PECR: variants seen among roughly 807,000 people sequenced by gnomAD.
PECR encodes the protein peroxisomal trans-2-enoyl-CoA reductase.
PECR carries 30 observed loss-of-function variants against 35.3 expected under a neutral mutation model. The observed-to-expected ratio is 0.85, with a 90% CI of 0.64 to 1.15. PECR has a LOEUF of 1.15. Among genes scored for constraint, PECR ranks in the 50% most tolerant of loss-of-function variants. The pLI, the probability that PECR is intolerant of heterozygous loss-of-function variation, is 0.00. For missense variants in PECR, 392 were observed against 370.8 expected, an observed-to-expected ratio of 1.06 and a Z score of -0.47; for synonymous variants, 148 against 138.9, an observed-to-expected ratio of 1.07 and a Z score of -0.46.
At chr2:216,072,944 GT>G in intron 1 of PECR, among the ~76,000 whole-genome samples, 1 of 152,080 alleles carries the variant, frequency 6.6e-6, no homozygotes. Context: ...TCTCCATACT[GT>G]TTTCCATAGA....
chr2:216,048,384 T>TA (rs71047969), intron 6 of PECR, among the ~76,000 whole-genome samples: 311 of 132,852 alleles, frequency 2.3e-3, no homozygotes, highest in Middle Eastern at 3.8e-3. Context: ...CTTGTTTTCT[T>TA]AAAAAAAAAA....
chr2:216,049,483 A>G (rs1198237881), intron 5 of PECR, 110 bp from the exon 6 acceptor site: 1 of 544,956 alleles, frequency 1.8e-6, no homozygotes, highest in African/African-American at 1.9e-5. Context: ...AGCTTAAGTC[A>G]AAAAAAAGTT....
intron 1 of PECR, among the ~76,000 whole-genome samples, chr2:216,077,545 C>T (rs554376948): frequency 2.0e-5 from 3 of 151,052 alleles, no homozygotes; most frequent in East Asian, 2.0e-4. Flanking sequence ...CAGTGGCTCA[C>T]GCCTGTAATC....
In PECR at chr2:216,051,497, T is replaced by C. The variant is rs746981078; in HGVS notation, c.555A>G (p.Leu185=). The change falls in exon 5 of 8, where the codon TTA becomes TTG. Residue 185 remains leucine (L), a synonymous_variant. Transcript: ENST00000265322. The part of the protein sequence containing the change: ...RAGVYNLTKS[L]ALEWACSGIR... The stretch of plus-strand genomic sequence containing the variant: ...TTCCACTGCAGGCCCATTCCAAAGC[T>C]AAAGATTTGGTGAGGTTGTAAACAC... 7 of 1,613,396 alleles carry C rather than the reference T, an allele frequency of 4.3e-6. No individual in the cohort carries two copies. The highest frequency in any genetic ancestry group is 5.9e-6 in the Non-Finnish European group (7 of 1,179,452).
chr2:216,056,165 A>G (rs1273450209), intron 4 of PECR, among the ~76,000 whole-genome samples: 1 of 152,084 alleles, frequency 6.6e-6, no homozygotes, highest in Non-Finnish European at 1.5e-5. Flanking sequence ...GTATTTCCAG[A>G]TGTATCTTGC....
At chr2:216,044,060 C>G (rs1438228827) in intron 6 of PECR, 45 bp from the exon 7 acceptor site, 1 of 988,330 alleles carries the variant, frequency 1.0e-6, no homozygotes, top group Non-Finnish European at 1.6e-6. Context: ...GCAAATACTC[C>G]CCATTTCTAA....
chr2:216,046,310 A>ATAT lies in PECR; in HGVS notation c.715-2296_715-2295insATA, dbSNP rs1553560626. On this transcript the variant is annotated intron_variant, in intron 6 of 7. Coordinates refer to ENST00000265322, the MANE Select transcript of PECR (RefSeq NM_018441.6). ...TATACATACATATATATATATATAT[A>ATAT]TTTTTTTTTTTTTTTTTTTTGAGAA... is the stretch of plus-strand genomic sequence containing the variant. 2.0e-3 allele frequency among the ~76,000 whole-genome samples: 191 copies of ATAT among 96,968 alleles called. 1 individual carries two copies. Among genetic ancestry groups the ATAT allele is most frequent in the African/African-American group, 2.3e-3 (50 of 21,582 alleles). 63.6% of individuals were successfully genotyped at this position (96,968 alleles called of 152,430 possible).
intron 1 of PECR, among the ~76,000 whole-genome samples, chr2:216,076,627 C>T (rs1695705165): frequency 6.6e-6 from 1 of 151,942 alleles, no homozygotes; most frequent in Non-Finnish European, 1.5e-5. Flanking sequence ...TAGTAAAACT[C>T]CATCTCTACT....
chr2:216,061,761 T>G (rs1695357513), intron 3 of PECR, among the ~76,000 whole-genome samples: 1 of 152,094 alleles, frequency 6.6e-6, no homozygotes, highest in Admixed American at 6.6e-5. Flanking sequence ...CATCTTGGAT[T>G]TTAAAAGCTG....
At chr2:216,053,265 T>G (rs967309006) in intron 4 of PECR, among the ~76,000 whole-genome samples, 7 of 148,158 alleles carry the variant, frequency 4.7e-5, no homozygotes, top group Admixed American at 4.1e-4. Flanking sequence ...TGTTTTGAGA[T>G]GGGAGTCTCA....
intron 5 of PECR, among the ~76,000 whole-genome samples, chr2:216,049,964 T>C (rs1210324082): frequency 6.6e-6 from 1 of 152,184 alleles, no homozygotes; most frequent in Non-Finnish European, 1.5e-5. Context: ...ATGCCTGTAA[T>C]CCCAGCACTT....
chr2:216,066,541 C>T (rs1695470191), intron 1 of PECR, 23 bp from the exon 2 acceptor site: 1 of 1,608,516 alleles, frequency 6.2e-7, no homozygotes, highest in African/African-American at 1.4e-5. Context: ...AGCCAGAGAA[C>T]AAATAAATAT....
Position 216,065,446 on chromosome 2 carries a change from G to T in PECR, c.290C>A (p.Thr97Asn). The T allele has an allele frequency of 6.2e-7, 1 of 1,607,496 alleles. No homozygotes were observed. The highest frequency in any genetic ancestry group is 8.5e-7 in the Non-Finnish European group (1 of 1,173,932). ...CACCAAGAAATTGATCTTACCAAAA[G>T]TATCTAAGGTAGATTTGACCAAATT... ...VNNLVKSTLD[T>N]FGKINFLVNN... is the part of the protein sequence containing the mutation. Residue 97 changes from threonine to asparagine, a missense_variant, in exon 3 of 8, where the codon ACT (threonine) becomes AAT (asparagine). By Grantham distance (65) the Thr-to-Asn change is moderately conservative. Coordinates refer to ENST00000265322, the MANE Select transcript of PECR (RefSeq NM_018441.6).
intron 1 of PECR, among the ~76,000 whole-genome samples, chr2:216,067,997 G>T (rs1695501113): frequency 6.6e-6 from 1 of 151,950 alleles, no homozygotes; most frequent in Admixed American, 6.6e-5. Context: ...GGGAGGCTGA[G>T]GCGGGCCGAT....
chr2:216,056,258 A>AT (rs1421039691), intron 4 of PECR, among the ~76,000 whole-genome samples: 9 of 152,184 alleles, frequency 5.9e-5, no homozygotes, highest in Admixed American at 5.2e-4. Context: ...TTTAAAAAAA[A>AT]GGAGTGCTCA....
chr2:216,069,934 CAAAAAAAA>C (rs35689726), intron 1 of PECR, among the ~76,000 whole-genome samples: 4 of 101,306 alleles, frequency 3.9e-5, no homozygotes, highest in Non-Finnish European at 6.8e-5. Flanking sequence ...AAGACTCTGT[CAAAAAAAA>C]AAAAAAAAAA....
intron 7 of PECR, among the ~76,000 whole-genome samples, chr2:216,040,245 C>T (rs900620615): frequency 5.3e-5 from 8 of 152,216 alleles, no homozygotes; most frequent in East Asian, 3.9e-4. Flanking sequence ...GCATCCAATT[C>T]GACAAATGAC....
chr2:216,051,796 C>T (rs187074171), intron 4 of PECR, among the ~76,000 whole-genome samples: 9 of 152,276 alleles, frequency 5.9e-5, no homozygotes, highest in Admixed American at 4.6e-4. Context: ...CAAATCACTA[C>T]GTAAGAGGAA....
At chr2:216,037,565 G>T (rs1343908041), downstream of PECR, among the ~76,000 whole-genome samples, 3 of 152,158 alleles carry the variant, frequency 2.0e-5, no homozygotes, top group Admixed American at 6.5e-5. Flanking sequence ...GAAGCTTTCT[G>T]ATCTTCCCAC....
Sources: gnomAD v4.1 joint callset for allele counts (sites outside exome capture counted in the v4.1 genomes callset) on GRCh38, gnomAD v4.1.1 for gene constraint, MANE v1.5 for transcripts, NCBI Gene and HGNC (gene_info 2026-07-23, HGNC 2026-07-21) for gene names.